Variants in TMEM108 observed in about 807,000 individuals in gnomAD.
TMEM108 encodes the protein transmembrane protein 108, also known as cancer/testis antigen 124.
In TMEM108, 12 loss-of-function variants were observed where a neutral mutation model predicts 35.1. That is an observed-to-expected ratio of 0.34 (90% CI 0.22 to 0.55). TMEM108 has a LOEUF of 0.55. TMEM108 is among the 20% of genes least tolerant of loss of function. TMEM108 has a pLI of 0.89. For missense variants in TMEM108, 680 were observed against 753.3 expected, an observed-to-expected ratio of 0.90 and a Z score of 1.14; for synonymous variants, 287 against 308.6, an observed-to-expected ratio of 0.93 and a Z score of 0.73.
intron 2 of TMEM108, among the ~76,000 whole-genome samples, chr3:133,109,843 T>G (rs535833251): frequency 3.7e-4 from 56 of 152,344 alleles, no homozygotes; most frequent in African/African-American, 1.2e-3. Context: ...CTTAACGTTA[T>G]GCAGGGGGTG....
chr3:133,266,400 G>A (rs1259751214), intron 3 of TMEM108, among the ~76,000 whole-genome samples: 2 of 152,150 alleles, frequency 1.3e-5, no homozygotes, highest in Admixed American at 6.5e-5. Flanking sequence ...TAAGAATATA[G>A]GAAGTACTCA....
At chr3:133,063,418 T>G (rs1474680337) in intron 2 of TMEM108, among the ~76,000 whole-genome samples, 7 of 152,142 alleles carry the variant, frequency 4.6e-5, no homozygotes, top group Admixed American at 4.6e-4. Context: ...CCACTCTACC[T>G]CTAAGCCTTG....
At chr3:133,107,235 C>CTTCCTGCT (rs1205445448) in intron 2 of TMEM108, among the ~76,000 whole-genome samples, 16 of 152,268 alleles carry the variant, frequency 1.1e-4, no homozygotes, top group East Asian at 9.6e-4. Flanking sequence ...CCCCCAAATA[C>CTTCCTGCT]TTCCTGCTTC....
At chr3:133,065,942 C>G (rs1391737833) in intron 2 of TMEM108, among the ~76,000 whole-genome samples, 1 of 152,092 alleles carries the variant, frequency 6.6e-6, no homozygotes, top group Non-Finnish European at 1.5e-5. Flanking sequence ...AATATACTCT[C>G]TAAGTTAAGT....
chr3:133,060,071 C>G (rs1478336512), intron 2 of TMEM108, among the ~76,000 whole-genome samples: 1 of 151,472 alleles, frequency 6.6e-6, no homozygotes, highest in Non-Finnish European at 1.5e-5. Flanking sequence ...TTCTATTATT[C>G]TCTCCTTCCT....
At chr3:133,205,397 G>A (rs944056639) in intron 2 of TMEM108, among the ~76,000 whole-genome samples, 1 of 152,100 alleles carries the variant, frequency 6.6e-6, no homozygotes, top group African/African-American at 2.4e-5. Context: ...TCTTTGTGGA[G>A]TGGATGGTCT....
At chr3:133,135,643 A>G (rs2107749580) in intron 2 of TMEM108, among the ~76,000 whole-genome samples, 1 of 152,322 alleles carries the variant, frequency 6.6e-6, no homozygotes. Flanking sequence ...CTGCATGGAG[A>G]GCCATGAGCT....
intron 2 of TMEM108, among the ~76,000 whole-genome samples, chr3:133,077,569 G>C (rs1943757567): frequency 6.6e-6 from 1 of 152,128 alleles, no homozygotes; most frequent in Admixed American, 6.5e-5. Flanking sequence ...CAAGAACAAA[G>C]GCTGACTTTA....
chr3:133,242,273 G>A (rs1946324653), intron 3 of TMEM108, among the ~76,000 whole-genome samples: 1 of 152,204 alleles, frequency 6.6e-6, no homozygotes, highest in African/African-American at 2.4e-5. Flanking sequence ...ACTACACTGT[G>A]ATACTGCTAT....
At chr3:133,377,265 G>A (rs1227385939) in intron 3 of TMEM108, among the ~76,000 whole-genome samples, 1 of 152,180 alleles carries the variant, frequency 6.6e-6, no homozygotes, top group Non-Finnish European at 1.5e-5. Context: ...TAACACTTGT[G>A]AGCTAAACAG....
At chr3:133,328,459 T>G (rs181022668) in intron 3 of TMEM108, among the ~76,000 whole-genome samples, 17 of 152,284 alleles carry the variant, frequency 1.1e-4, no homozygotes, top group Admixed American at 6.5e-4. Flanking sequence ...TTGATTAGTT[T>G]TTTCTGTTTC....
chr3:133,256,738 C>G (rs140637730), intron 3 of TMEM108, among the ~76,000 whole-genome samples: 1 of 152,172 alleles, frequency 6.6e-6, no homozygotes, highest in East Asian at 1.9e-4. Context: ...GGAAGGCAAT[C>G]AAGAAGGGGA....
At chr3:133,127,343 A>G (rs1224698045) in intron 2 of TMEM108, among the ~76,000 whole-genome samples, 1 of 152,198 alleles carries the variant, frequency 6.6e-6, no homozygotes, top group Non-Finnish European at 1.5e-5. Flanking sequence ...AGTGGCTGCC[A>G]TGTTGGACAG....
intron 3 of TMEM108, among the ~76,000 whole-genome samples, chr3:133,330,057 A>G (rs2071377193): frequency 6.6e-6 from 1 of 152,232 alleles, no homozygotes; most frequent in Non-Finnish European, 1.5e-5. Flanking sequence ...GACAGCATAC[A>G]GGAGGAAAAG....
chr3:133,372,920 C>T (rs186200565), intron 3 of TMEM108, among the ~76,000 whole-genome samples: 7 of 152,198 alleles, frequency 4.6e-5, no homozygotes, highest in Non-Finnish European at 1.0e-4. Flanking sequence ...AGATCAATCA[C>T]CCAGCTCACC....
chr3:133,311,831 T>C lies in TMEM108; in HGVS notation c.41-67921T>C, dbSNP rs2071132562. On this transcript the variant is annotated intron_variant, in intron 3 of 5. Coordinates refer to ENST00000321871, the MANE Select transcript of TMEM108 (RefSeq NM_023943.4). ...TTTTCAGCTTTTCTGCCCTGGTTTC[T>C]CCCCATGTTTGTGGTTTTATCTACC... 3.3e-5 allele frequency among the ~76,000 whole-genome samples: 5 copies of C among 152,296 alleles called. No homozygotes were observed. In the South Asian group the frequency reaches 1.0e-3, roughly 32 times the overall value.
intron 2 of TMEM108, among the ~76,000 whole-genome samples, chr3:133,107,519 C>A (rs1431526568): frequency 1.3e-5 from 2 of 150,518 alleles, no homozygotes; most frequent in African/African-American, 4.9e-5. Flanking sequence ...ACATTTCAGC[C>A]AAACACAGAC....
chr3:133,113,869 G>T (rs1473744995), intron 2 of TMEM108, among the ~76,000 whole-genome samples: 3 of 152,176 alleles, frequency 2.0e-5, no homozygotes, highest in Non-Finnish European at 4.4e-5. Flanking sequence ...TTGATTTTCA[G>T]GATGTGGCTG....
intron 2 of TMEM108, among the ~76,000 whole-genome samples, chr3:133,116,069 A>G (rs1029719969): frequency 1.3e-5 from 2 of 152,228 alleles, no homozygotes; most frequent in Admixed American, 6.5e-5. Flanking sequence ...ATTGGAAAAG[A>G]TACTCCAAGT....
Sources: allele counts gnomAD v4.1 joint callset (sites outside exome capture counted in the v4.1 genomes callset), GRCh38; gene constraint gnomAD v4.1.1; transcripts MANE v1.5; gene names NCBI Gene and HGNC (gene_info 2026-07-23, HGNC 2026-07-21).